The following ASIC2 variants were observed in gnomAD, a reference collection of about 807,000 sequenced individuals.
ASIC2 encodes acid sensing ion channel subunit 2.
Under a neutral mutation model 57.3 loss-of-function variants are expected in ASIC2, and 25 were observed. That is an observed-to-expected ratio of 0.44 (90% CI 0.32 to 0.61). The LOEUF (loss-of-function observed/expected upper bound fraction) is 0.61, where lower values mean the gene tolerates loss of function less well. Ranked by LOEUF, ASIC2 falls within the 20% of genes least tolerant of loss-of-function variation. The pLI, the probability that ASIC2 is intolerant of heterozygous loss-of-function variation, is 0.06. For synonymous variants in ASIC2, 319 were observed against 307.5 expected, an observed-to-expected ratio of 1.04 and a Z score of -0.39; for missense variants, 641 against 738.1, an observed-to-expected ratio of 0.87 and a Z score of 1.52.
chr17:33,353,884 G>A (rs1157723710), intron 1 of ASIC2, among the ~76,000 whole-genome samples: 2 of 152,148 alleles, frequency 1.3e-5, no homozygotes, highest in Non-Finnish European at 2.9e-5. Flanking sequence ...GTGTATCTTA[G>A]AGTATTAGCC....
intron 1 of ASIC2, among the ~76,000 whole-genome samples, chr17:33,210,431 A>C (rs1907225372): frequency 6.6e-6 from 1 of 152,196 alleles, no homozygotes; most frequent in South Asian, 2.1e-4. Flanking sequence ...GATGTCTGCA[A>C]GATTAAACCA....
At chr17:33,071,447 A>T (rs770557113) in intron 3 of ASIC2, among the ~76,000 whole-genome samples, 1 of 152,228 alleles carries the variant, frequency 6.6e-6, no homozygotes, top group Non-Finnish European at 1.5e-5. Context: ...TAACAAATGT[A>T]TTCCATGTCC....
intron 1 of ASIC2, among the ~76,000 whole-genome samples, chr17:33,980,299 G>A (rs908838488): frequency 1.3e-5 from 2 of 152,168 alleles, no homozygotes; most frequent in African/African-American, 4.8e-5. Flanking sequence ...GAGTGAGGGA[G>A]GTGAGAAGCC....
chr17:33,065,509 G>A (rs563639058), intron 3 of ASIC2, among the ~76,000 whole-genome samples: 2 of 152,202 alleles, frequency 1.3e-5, no homozygotes, highest in East Asian at 3.9e-4. Flanking sequence ...AGAGTTGGGG[G>A]TCTTGCTTTG....
chr17:33,907,964 G>A (rs1484460286), intron 1 of ASIC2, among the ~76,000 whole-genome samples: 2 of 152,186 alleles, frequency 1.3e-5, no homozygotes, highest in African/African-American at 2.4e-5. Context: ...ACTCAGTGCA[G>A]GGCAGTTTTT....
intron 1 of ASIC2, among the ~76,000 whole-genome samples, chr17:33,909,552 G>C (rs1046009534): frequency 9.8e-5 from 15 of 152,296 alleles, no homozygotes; most frequent in African/African-American, 3.4e-4. Flanking sequence ...AGGCAAGAGA[G>C]GGGAGACAGG....
chr17:33,941,281 C>T (rs1016854879), intron 1 of ASIC2, among the ~76,000 whole-genome samples: 1 of 152,162 alleles, frequency 6.6e-6, no homozygotes, highest in Non-Finnish European at 1.5e-5. Flanking sequence ...TCAGATCATC[C>T]CTCTCCCAGA....
intron 1 of ASIC2, among the ~76,000 whole-genome samples, chr17:33,310,273 G>A (rs1203941909): frequency 6.6e-6 from 1 of 151,818 alleles, no homozygotes; most frequent in African/African-American, 2.4e-5. Flanking sequence ...GGATCTCTAG[G>A]GTCATGCCCC....
At chr17:33,702,754 A>AATC (rs2142070552) in intron 1 of ASIC2, among the ~76,000 whole-genome samples, 1 of 152,340 alleles carries the variant, frequency 6.6e-6, no homozygotes, top group African/African-American at 2.4e-5. Flanking sequence ...TCAACTACTC[A>AATC]ATCAATGAGG....
At chr17:33,610,481 C>A (rs571382027) in intron 1 of ASIC2, among the ~76,000 whole-genome samples, 1 of 152,288 alleles carries the variant, frequency 6.6e-6, no homozygotes, top group African/African-American at 2.4e-5. Context: ...GCAATTTTGC[C>A]TCTTAACCTG....
At chr17:33,370,814 G>A (rs976388637) in intron 1 of ASIC2, among the ~76,000 whole-genome samples, 1 of 152,224 alleles carries the variant, frequency 6.6e-6, no homozygotes, top group African/African-American at 2.4e-5. Context: ...GCATGTACAC[G>A]TGTTACCGGA....
chr17:33,903,390 T>C (rs958810915), intron 1 of ASIC2, among the ~76,000 whole-genome samples: 1 of 152,222 alleles, frequency 6.6e-6, no homozygotes, highest in African/African-American at 2.4e-5. Flanking sequence ...CAAAATGTGT[T>C]TTATAGCTCA....
chr17:33,156,222 A>G lies in ASIC2; in HGVS notation c.709-44155T>C, dbSNP rs1010738986. Among the ~76,000 whole-genome samples the G allele has an allele frequency of 2.0e-5, 3 of 150,816 alleles. No individual in the cohort carries two copies. The South Asian group carries it at 6.4e-4, about 32-fold the overall frequency. On this transcript the variant is annotated intron_variant, in intron 1 of 9. Transcript: ENST00000225823. ...GGCTCACTGCAACCTCCGCCCTGCCAGTTAAAGTGATTCTCCTGCCTCAGC... is the reference window on the plus strand; with the variant it reads ...GGCTCACTGCAACCTCCGCCCTGCCGGTTAAAGTGATTCTCCTGCCTCAGC...
rs141191581 is a variant in ASIC2 at position 33,992,674 on chromosome 17, G to A, written c.555+163304C>T. 2.6e-4 allele frequency among the ~76,000 whole-genome samples: 40 copies of A among 152,292 alleles called. 1 individual carries two copies. The East Asian group carries it at 7.3e-3, about 28-fold the overall frequency. On this transcript the variant is annotated intron_variant, in intron 1 of 9. Transcript: ENST00000359872. ...ATGTTGGCAGCTTGAGATCAGTCAT[G>A]GTGGGGATATTTATAACAGAGAAAT...
At chr17:33,315,935 G>T (rs541228407) in intron 1 of ASIC2, among the ~76,000 whole-genome samples, 1 of 152,268 alleles carries the variant, frequency 6.6e-6, no homozygotes, top group South Asian at 2.1e-4. Flanking sequence ...GACTCTCACT[G>T]AGCCTTATTT....
chr17:33,269,751 T>TTCCTTCCTTCCTTCC lies in ASIC2; in HGVS notation c.708+21656_708+21657insGGAAGGAAGGAAGGA, dbSNP rs1904404897. Among the ~76,000 whole-genome samples, 269 of 103,028 alleles carry TTCCTTCCTTCCTTCC rather than the reference T, an allele frequency of 2.6e-3. 13 individuals are homozygous for TTCCTTCCTTCCTTCC. Among genetic ancestry groups the TTCCTTCCTTCCTTCC allele is most frequent in the African/African-American group, 9.3e-3 (255 of 27,462 alleles). The allele number at this position is 103,028 out of a possible 152,430, so 67.6% of individuals were successfully genotyped here. Reference sequence around the variant, plus strand: ...CCCTCCCTCCTTCCTTCCTTCCTTCTTTCCTTCCTTCCTTCCTTCCTTCTT... The same window carrying TTCCTTCCTTCCTTCC: ...CCCTCCCTCCTTCCTTCCTTCCTTCTTCCTTCCTTCCTTCCTTCCTTCCTTCCTTCCTTCCTTCTT... On this transcript the variant is annotated intron_variant, in intron 1 of 9. Transcript: ENST00000225823.
chr17:33,823,311 A>T (rs2141894469), intron 1 of ASIC2, among the ~76,000 whole-genome samples: 1 of 152,332 alleles, frequency 6.6e-6, no homozygotes, highest in East Asian at 1.9e-4. Flanking sequence ...TGCAGAAGAC[A>T]AAGTCTGGAA....
intron 2 of ASIC2, among the ~76,000 whole-genome samples, chr17:33,102,857 C>T (rs940608120): frequency 6.6e-6 from 1 of 152,182 alleles, no homozygotes; most frequent in Admixed American, 6.5e-5. Context: ...GATCTCGGCT[C>T]ACTGCAAGCT....
At chr17:33,388,792 T>C (rs1011064802) in intron 1 of ASIC2, among the ~76,000 whole-genome samples, 1 of 152,212 alleles carries the variant, frequency 6.6e-6, no homozygotes, top group South Asian at 2.1e-4. Context: ...TAGCAAATGT[T>C]CACTTCTTGC....
Sources: allele counts gnomAD v4.1 joint callset (sites outside exome capture counted in the v4.1 genomes callset), GRCh38; gene constraint gnomAD v4.1.1; transcripts MANE v1.5; gene names NCBI Gene and HGNC (gene_info 2026-07-23, HGNC 2026-07-21).